Variants in DCAF8L2 observed in about 807,000 individuals in gnomAD.
DCAF8L2 encodes the protein DDB1- and CUL4-associated factor 8-like protein 2.
For synonymous variants in DCAF8L2, 200 were observed against 190.9 expected (o/e 1.05, Z -0.39); for missense variants, 430 against 490.7 (o/e 0.88, Z 1.17).
the DCAF8L2 span, among the ~76,000 whole-genome samples, chrX:27,534,510 C>T: frequency 4.9e-4 from 55 of 112,021 alleles, no homozygotes; most frequent in Non-Finnish European, 9.8e-4. Flanking sequence ...ATTCTTTTTG[C>T]TCTAAGCCTG....
intron 2 of DCAF8L2, among the ~76,000 whole-genome samples, chrX:27,659,561 G>A (rs1929478296): frequency 1.8e-5 from 2 of 111,418 alleles, no homozygotes; most frequent in South Asian, 7.6e-4. Context: ...TGTGATATTT[G>A]GTGGGGAAAG....
intron 1 of DCAF8L2, among the ~76,000 whole-genome samples, chrX:27,591,012 T>TATATATATATATATATATATATATATAA (rs1311861515): frequency 1.1e-5 from 1 of 88,525 alleles, no homozygotes; most frequent in Non-Finnish European, 2.2e-5. Context: ...TATATATATA[T>TATATATATATATATATATATATATATAA]ATAAATAAAT....
chrX:27,704,169 T>C (rs368967395), intron 3 of DCAF8L2, among the ~76,000 whole-genome samples: 4 of 59,467 alleles, frequency 6.7e-5, no homozygotes, highest in African/African-American at 2.9e-4. Flanking sequence ...TATATATATA[T>C]ATATACATAT....
chrX:27,707,044 G>A (rs1396019581), intron 3 of DCAF8L2, among the ~76,000 whole-genome samples: 3 of 111,662 alleles, frequency 2.7e-5, no homozygotes, highest in Non-Finnish European at 5.6e-5. Context: ...AACACATATT[G>A]TATGGTTTCA....
At chrX:27,529,037 A>AT in the DCAF8L2 span, among the ~76,000 whole-genome samples, 10 of 111,872 alleles carry the variant, frequency 8.9e-5, no homozygotes, top group African/African-American at 2.9e-4. Flanking sequence ...GGGCTAGGGA[A>AT]TTATAGGCCT....
At chrX:27,552,661 A>G in the DCAF8L2 span, among the ~76,000 whole-genome samples, 8 of 111,564 alleles carry the variant, frequency 7.2e-5, no homozygotes, top group South Asian at 7.5e-4. Flanking sequence ...CTATACATCT[A>G]TTTTTATGCC....
At chrX:27,670,682 C>A (rs1929921612) in intron 2 of DCAF8L2, among the ~76,000 whole-genome samples, 2 of 110,967 alleles carry the variant, frequency 1.8e-5, no homozygotes, top group African/African-American at 6.6e-5. Flanking sequence ...TGGAGGGGGA[C>A]CTGGTGGGAG....
chrX:27,580,470 C>A, the DCAF8L2 span, among the ~76,000 whole-genome samples: 1 of 111,485 alleles, frequency 9.0e-6, no homozygotes, highest in Non-Finnish European at 1.9e-5. Flanking sequence ...GTGACGGAAT[C>A]TTTTAAGAGA....
the DCAF8L2 span, among the ~76,000 whole-genome samples, chrX:27,494,705 C>G: frequency 8.9e-6 from 1 of 111,765 alleles, no homozygotes; most frequent in Non-Finnish European, 1.9e-5. Flanking sequence ...TGCTATTGGT[C>G]ATTTTTTCTT....
intron 1 of DCAF8L2, among the ~76,000 whole-genome samples, chrX:27,627,073 C>CA (rs766269451): frequency 0.046 from 1,395 of 30,614 alleles, 31 homozygotes; most frequent in African/African-American, 0.13. Flanking sequence ...ATGTTAAGAC[C>CA]AAAAAAAAAA....
chrX:27,559,802 T>C, the DCAF8L2 span, among the ~76,000 whole-genome samples: 3 of 111,422 alleles, frequency 2.7e-5, no homozygotes, highest in Non-Finnish European at 5.7e-5. Context: ...CTCCAATTCA[T>C]ACTTTATGCC....
chrX:27,745,437 C>T (rs986227189), intron 4 of DCAF8L2, among the ~76,000 whole-genome samples: 1 of 112,149 alleles, frequency 8.9e-6, no homozygotes, highest in Non-Finnish European at 1.9e-5. Context: ...TTCATCCGTG[C>T]TCATGTATTT....
At chrX:27,592,397 G>GT (rs993718605) in intron 1 of DCAF8L2, among the ~76,000 whole-genome samples, 197 of 82,591 alleles carry the variant, frequency 2.4e-3, no homozygotes, top group South Asian at 6.3e-3. Context: ...GGAGAGCATT[G>GT]TTTTTTTTTG....
the DCAF8L2 span, among the ~76,000 whole-genome samples, chrX:27,583,818 G>A: frequency 8.9e-6 from 1 of 111,867 alleles, no homozygotes. Flanking sequence ...TGTCTTCCAT[G>A]AAACCGATCC....
the DCAF8L2 span, among the ~76,000 whole-genome samples, chrX:27,582,962 A>G: frequency 1.8e-5 from 2 of 111,421 alleles, no homozygotes; most frequent in African/African-American, 3.3e-5. Flanking sequence ...AGATATTTTG[A>G]GTCTATGCAA....
intron 1 of DCAF8L2, among the ~76,000 whole-genome samples, chrX:27,629,456 C>CAGA (rs1928195078): frequency 1.8e-5 from 2 of 109,446 alleles, no homozygotes; most frequent in South Asian, 7.9e-4. Context: ...CTTTCTTTCT[C>CAGA]TCTCTTTTTT....
At chrX:27,531,574 A>G in the DCAF8L2 span, among the ~76,000 whole-genome samples, 6 of 112,355 alleles carry the variant, frequency 5.3e-5, no homozygotes. Context: ...AGTTTATGCA[A>G]AATAATCTGT....
At chrX:27,673,365 G>A (rs769128201) in intron 2 of DCAF8L2, among the ~76,000 whole-genome samples, 43 of 107,503 alleles carry the variant, frequency 4.0e-4, no homozygotes, top group African/African-American at 1.2e-3. Flanking sequence ...AAAATTAGCC[G>A]GGCGTGGTGG....
the DCAF8L2 span, among the ~76,000 whole-genome samples, chrX:27,500,263 CAGCAAGAAATTTAAAATTA>C: frequency 2.7e-5 from 3 of 111,639 alleles, no homozygotes; most frequent in Non-Finnish European, 3.8e-5. Context: ...GCTACAAATA[CAGCAAGAAATTTAAAATTA>C]AGCAATCAAG....
Sources: gnomAD v4.1 joint callset for allele counts (sites outside exome capture counted in the v4.1 genomes callset) on GRCh38, gnomAD v4.1.1 for gene constraint, MANE v1.5 for transcripts, NCBI Gene and HGNC (gene_info 2026-07-23, HGNC 2026-07-21) for gene names.